Variants in WDR64 observed in about 807,000 individuals in gnomAD.
WDR64 encodes the protein WD repeat-containing protein 64.
In WDR64, 112 loss-of-function variants were observed where a neutral mutation model predicts 139.3. The observed-to-expected ratio is 0.80, with a 90% CI of 0.69 to 0.94. The LOEUF (loss-of-function observed/expected upper bound fraction) is 0.94. Among genes scored for constraint, WDR64 ranks in the 40% least tolerant of loss-of-function variants. The probability of loss-of-function intolerance (pLI) is 0.00; values close to 1 mark genes in which losing one functional copy is unlikely to be tolerated. For synonymous variants in WDR64, 444 were observed against 437.7 expected (o/e 1.01, Z -0.18); for missense variants, 1,206 against 1,293.1 (o/e 0.93, Z 1.03).
chr1:241,696,113 C>CAAA (rs541301982), intron 8 of WDR64, among the ~76,000 whole-genome samples: 8,188 of 22,216 alleles, frequency 0.37, 2,989 homozygotes, highest in Non-Finnish European at 0.49. Context: ...GACCCAGTAT[C>CAAA]AAAAAAAAAA....
In WDR64 at chr1:241,660,238, T is replaced by C. The variant is rs6690283; in HGVS notation, c.146-292T>C. Among the ~76,000 whole-genome samples the C allele has an allele frequency of 4.6e-3, 707 of 152,310 alleles. 4 individuals carry two copies. The highest frequency in any genetic ancestry group is 0.016 in the African/African-American group (659 of 41,554). ...AGATCGTTGTAGGTGTGCAGTCTTA[T>C]TTTTGGGTTCTCTATTCTGTTCCAT... On this transcript the variant is annotated intron_variant, in intron 1 of 27. Transcript: ENST00000437684.
At chr1:241,801,015 A>G in intron 27 of WDR64, 117 bp from the exon 28 acceptor site, 1 of 779,386 alleles carries the variant, frequency 1.3e-6, no homozygotes, top group East Asian at 2.5e-5. Context: ...ATAACTATTC[A>G]TTTTTTTTCT....
chr1:241,788,068 C>T (rs774617543), intron 24 of WDR64, 34 bp downstream of exon 24: 19 of 1,523,858 alleles, frequency 1.2e-5, no homozygotes, highest in Admixed American at 2.1e-5. Flanking sequence ...GATAAGCATA[C>T]AAGAATCAAA....
chr1:241,736,405 T>C (rs1216678292), intron 10 of WDR64, among the ~76,000 whole-genome samples: 1 of 131,908 alleles, frequency 7.6e-6, no homozygotes. Flanking sequence ...GTTCTCTTTA[T>C]GGAAGAGTTT....
At chr1:241,708,243 T>C (rs1668028029) in intron 8 of WDR64, among the ~76,000 whole-genome samples, 1 of 152,264 alleles carries the variant, frequency 6.6e-6, no homozygotes, top group Non-Finnish European at 1.5e-5. Context: ...TTGTCTGTTT[T>C]ATGATGTTTA....
At chr1:241,741,493 T>C in intron 11 of WDR64, 23 bp from the exon 12 acceptor site, 1 of 1,548,992 alleles carries the variant, frequency 6.5e-7, no homozygotes, top group South Asian at 1.2e-5. Flanking sequence ...TGCATATTTA[T>C]GAGATTCTTA....
At chr1:241,741,028 T>A (rs947474998) in intron 11 of WDR64, among the ~76,000 whole-genome samples, 7 of 152,378 alleles carry the variant, frequency 4.6e-5, no homozygotes, top group Admixed American at 1.3e-4. Flanking sequence ...CATTCTCATT[T>A]GTTACATTTA....
At chr1:241,673,856 C>T (rs1666346962) in intron 3 of WDR64, among the ~76,000 whole-genome samples, 1 of 151,644 alleles carries the variant, frequency 6.6e-6, no homozygotes, top group Non-Finnish European at 1.5e-5. Flanking sequence ...TTTTTTAAGT[C>T]TTAATGACAG....
At chr1:241,770,227 CCA>C (rs1418324241) in intron 17 of WDR64, among the ~76,000 whole-genome samples, 1 of 152,138 alleles carries the variant, frequency 6.6e-6, no homozygotes, top group Non-Finnish European at 1.5e-5. Flanking sequence ...CAGTGGAGTG[CCA>C]CAGACTAGGA....
intron 25 of WDR64, among the ~76,000 whole-genome samples, chr1:241,793,425 A>G (rs1659263944): frequency 6.6e-6 from 1 of 152,082 alleles, no homozygotes; most frequent in Non-Finnish European, 1.5e-5. Flanking sequence ...AACAGTATCT[A>G]CCTTCAAAGT....
At chr1:241,708,702 TTGTTTTTTTG>T (rs754957235) in intron 8 of WDR64, among the ~76,000 whole-genome samples, 18,479 of 63,464 alleles carry the variant, frequency 0.29, 2,393 homozygotes, top group Non-Finnish European at 0.36. Context: ...GTTTTTTTTT[TTGTTTTTTTG>T]TTTTTTTTTT....
At chr1:241,783,519 A>C (rs2148319071) in intron 23 of WDR64, 138 bp downstream of exon 23, 2 of 646,686 alleles carry the variant, frequency 3.1e-6, no homozygotes. Flanking sequence ...TAGATGACAC[A>C]AAAGGACTTT....
intron 16 of WDR64, among the ~76,000 whole-genome samples, chr1:241,768,993 G>T (rs10926570): frequency 6.6e-6 from 1 of 152,048 alleles, no homozygotes; most frequent in Non-Finnish European, 1.5e-5. Flanking sequence ...CCAGCCCGGC[G>T]TGGTGGCTCC....
At chr1:241,652,667 G>A in intron 1 of WDR64, 38 bp downstream of exon 1, 1 of 1,546,342 alleles carries the variant, frequency 6.5e-7, no homozygotes, top group East Asian at 2.4e-5. Context: ...AATTGGGTCT[G>A]TTGGTTAGAA....
chr1:241,711,127 C>T lies in WDR64; in HGVS notation c.975-675C>T, dbSNP rs1668146567. 5.9e-5 allele frequency among the ~76,000 whole-genome samples: 9 copies of T among 151,990 alleles called. No homozygotes were observed. The South Asian group carries it at 1.9e-3, about 31-fold the overall frequency. On this transcript the variant is annotated intron_variant, in intron 8 of 27. Coordinates refer to ENST00000437684, the MANE Select transcript of WDR64 (RefSeq NM_001367482.1). ...TGGCACATGCCTGTAATCCCAGCTA[C>T]TCAGGAGGCTGAGGCAGGAAAATTG...
chr1:241,798,904 A>T (rs925903281), intron 27 of WDR64, among the ~76,000 whole-genome samples: 8 of 152,296 alleles, frequency 5.3e-5, no homozygotes, highest in African/African-American at 1.7e-4. Flanking sequence ...ATAAATCAGA[A>T]CATGAGTTTG....
At chr1:241,773,624 C>T (rs1658543526) in intron 20 of WDR64, among the ~76,000 whole-genome samples, 1 of 152,124 alleles carries the variant, frequency 6.6e-6, no homozygotes, top group African/African-American at 2.4e-5. Flanking sequence ...TGTGCCAGCA[C>T]ACCCAGCTAA....
intron 10 of WDR64, among the ~76,000 whole-genome samples, chr1:241,724,657 T>C (rs766724800): frequency 6.6e-6 from 1 of 152,190 alleles, no homozygotes; most frequent in Non-Finnish European, 1.5e-5. Context: ...CCATAGAAAT[T>C]CTAGATTTCC....
Position 241,767,935 on chromosome 1 carries a change from G to A in WDR64, c.2082-1469G>A, listed in dbSNP as rs570320147. 3.3e-5 allele frequency among the ~76,000 whole-genome samples: 5 copies of A among 152,106 alleles called. No homozygotes were observed. The South Asian group carries it at 1.0e-3, about 32-fold the overall frequency. Reference sequence around the variant, plus strand: ...GCCTTTTCTCACACATTGTCTACCTGCCACTTGATACCTACACCTGTCTGC... The same window carrying A: ...GCCTTTTCTCACACATTGTCTACCTACCACTTGATACCTACACCTGTCTGC... On this transcript the variant is annotated intron_variant, in intron 16 of 27. Transcript: ENST00000437684.
Sources: allele counts gnomAD v4.1 joint callset (sites outside exome capture counted in the v4.1 genomes callset), GRCh38; gene constraint gnomAD v4.1.1; transcripts MANE v1.5; gene names NCBI Gene and HGNC (gene_info 2026-07-23, HGNC 2026-07-21).